Variants in LCAT observed in about 807,000 individuals in gnomAD.
LCAT encodes the protein phosphatidylcholine-sterol acyltransferase.
In LCAT, 15 loss-of-function variants were observed where a neutral mutation model predicts 41.0. The observed-to-expected ratio is 0.37, with a 90% confidence interval of 0.24 to 0.56. The LOEUF (loss-of-function observed/expected upper bound fraction) is 0.56, where lower values mean the gene tolerates loss of function less well. Ranked by LOEUF, LCAT falls within the 20% of genes least tolerant of loss-of-function variation. The pLI, the probability that LCAT is intolerant of heterozygous loss-of-function variation, is 0.81. For missense variants in LCAT, 449 were observed against 595.1 expected (o/e 0.75, Z 2.55); for synonymous variants, 248 against 245.4 (o/e 1.01, Z -0.10).
In LCAT at chr16:67,942,394, G is replaced by A. The variant is rs779223831; in HGVS notation, c.717C>T (p.Gly239=). Residue 239 remains glycine (G), a synonymous_variant, in exon 5 of 6, where the codon GGC becomes GGT. Transcript: ENST00000264005. This position sits in a 1 kb window ranked among gnomAD's most constrained non-coding sequence, Gnocchi z 6.6. ...GFISLGAPWG[G]SIKPMLVLAS... is the part of the protein sequence containing the mutation. ...CCAAGACCAGCATGGGCTTGATGGAGCCACCCCAGGGAGCCCCAAGAGAGA... is the reference window on the plus strand; with the variant it reads ...CCAAGACCAGCATGGGCTTGATGGAACCACCCCAGGGAGCCCCAAGAGAGA... The A allele has an allele frequency of 4.3e-6, 7 of 1,613,924 alleles. No homozygotes were observed. The Admixed American group carries it at 8.3e-5, about 19-fold the overall frequency.
rs774574304 is a variant in LCAT at position 67,940,359 on chromosome 16, T to C, written c.868A>G (p.Ile290Val). ...GTGTAGTTGAAGCTGGGTGTGGAAA[T>C]GAACACGTGGTCCTCAGGCCACGCC... ...RMAWPEDHVF[I>V]STPSFNYTGR... is the part of the protein sequence containing the mutation. Residue 290 changes from isoleucine to valine, a missense_variant, in exon 6 of 6, where the codon ATT (isoleucine) becomes GTT (valine). Transcript: ENST00000264005. The C allele has an allele frequency of 4.3e-6, 7 of 1,614,072 alleles. No individual in the cohort carries two copies. The South Asian group carries it at 6.6e-5, about 15-fold the overall frequency.
rs375862950 is a variant in LCAT, at chr16:67,940,174, G to A, written c.1053C>T (p.Tyr351=). The A allele has an allele frequency of 7.2e-5, 116 of 1,613,214 alleles. No homozygotes were observed. Among genetic ancestry groups the A allele is most frequent in the East Asian group, 4.7e-4 (21 of 44,828 alleles). ...GGTCCGTGTAGGGGAAGCCGTGGTC[G>A]TAGATGTAGGTGCGGGGCGTGGGCA... ...VGLPTPRTYI[Y]DHGFPYTDPV... Residue 351 remains tyrosine (Y), a synonymous_variant, in exon 6 of 6, where the codon TAC becomes TAT. Transcript: ENST00000264005.
At position 67,939,789 on chromosome 16, in the gene LCAT, C is replaced by T; in HGVS notation, c.*115G>A. On this transcript the variant is annotated 3_prime_UTR_variant, in exon 6 of 6. Coordinates refer to ENST00000264005, the MANE Select transcript of LCAT (RefSeq NM_000229.2). ...CCTCAGCAGAGCCCATCTTGCCTCA[C>T]TGCACACAGCACTGAGCCTGTGGCT... 6.6e-7 allele frequency: 1 copy of T among 1,520,100 alleles called. No individual in the cohort carries two copies. The highest frequency in any genetic ancestry group is 8.9e-7 in the Non-Finnish European group (1 of 1,127,646). 94.2% of individuals were successfully genotyped at this position (1,520,100 alleles called of 1,614,324 possible).
At position 67,943,586 on chromosome 16, in the gene LCAT, G is replaced by C. The variant is rs2058307011; in HGVS notation, c.154+362C>G. ...CATGGATGGGCCTCTCCTGCTCACC[G>C]ATCCTGGGCTGGGCATCTTGTCCTT... On this transcript the variant is annotated intron_variant, in intron 1 of 5. Coordinates refer to ENST00000264005, the MANE Select transcript of LCAT (RefSeq NM_000229.2). This position sits in a 1 kb window ranked among gnomAD's most constrained non-coding sequence, Gnocchi z 4.6. 6.0e-6 allele frequency: 3 copies of C among 504,172 alleles called. No homozygotes were observed. In the East Asian group the frequency reaches 1.1e-4, roughly 18 times the overall value. 31.2% of individuals were successfully genotyped at this position (504,172 alleles called of 1,614,324 possible).
At position 67,942,264 on chromosome 16, in the gene LCAT, C is replaced by A; in HGVS notation, c.748+99G>T. 7.3e-7 allele frequency: 1 copy of A among 1,370,630 alleles called. No homozygotes were observed. Among genetic ancestry groups the A allele is most frequent in the Non-Finnish European group, 1.0e-6 (1 of 979,158 alleles). 84.9% of individuals were successfully genotyped at this position (1,370,630 alleles called of 1,614,324 possible). On this transcript the variant is annotated intron_variant, in intron 5 of 5. Coordinates refer to ENST00000264005, the MANE Select transcript of LCAT (RefSeq NM_000229.2). This position sits in a 1 kb window ranked among gnomAD's most constrained non-coding sequence, Gnocchi z 6.6. ...GCCAGCCCAGGAGTGGTAGATAGCA[C>A]CCCTAGAGGCCACTGTGAGCAGGAG...
In LCAT at chr16:67,939,899, G is replaced by T; in HGVS notation, c.*5C>A. Reference sequence around the variant, plus strand: ...ATCAGGGCTTACGGTAGCAAAGGAAGGTCTTTATTCAGGAGGCGGGGGCTC... The same window carrying T: ...ATCAGGGCTTACGGTAGCAAAGGAATGTCTTTATTCAGGAGGCGGGGGCTC... On this transcript the variant is annotated 3_prime_UTR_variant, in exon 6 of 6. Coordinates refer to ENST00000264005, the MANE Select transcript of LCAT (RefSeq NM_000229.2). 1 of 1,610,406 alleles carries T rather than the reference G, an allele frequency of 6.2e-7. No homozygotes were observed. The highest frequency in any genetic ancestry group is 8.5e-7 in the Non-Finnish European group (1 of 1,177,702).
At position 67,943,465 on chromosome 16, in the gene LCAT, G is replaced by A. The variant is rs1404834424; in HGVS notation, c.155-253C>T. On this transcript the variant is annotated intron_variant, in intron 1 of 5. Transcript: ENST00000264005. The surrounding 1 kb of genome is among the most constrained non-coding windows in gnomAD (Gnocchi z 4.6). ...AAGGCCGCTGACCCCTGCCTCTGCAGAGCAAACACCCAGTCTGGCGCTCCT... is the reference window on the plus strand; with the variant it reads ...AAGGCCGCTGACCCCTGCCTCTGCAAAGCAAACACCCAGTCTGGCGCTCCT... 3.6e-5 allele frequency: 20 copies of A among 562,528 alleles called. No individual in the cohort carries two copies. The South Asian group carries it at 3.7e-4, about 11-fold the overall frequency. 34.8% of individuals were successfully genotyped at this position (562,528 alleles called of 1,614,324 possible).
At position 67,943,740 on chromosome 16, in the gene LCAT, G is replaced by A; in HGVS notation, c.154+208C>T. Reference sequence around the variant, plus strand: ...CCCGTCCCCCACTCCGCCCCCCCTGGGTTAGACAACTGAGAGTCACAGTGT... The same window carrying A: ...CCCGTCCCCCACTCCGCCCCCCCTGAGTTAGACAACTGAGAGTCACAGTGT... On this transcript the variant is annotated intron_variant, in intron 1 of 5. Transcript: ENST00000264005. This position sits in a 1 kb window ranked among gnomAD's most constrained non-coding sequence, Gnocchi z 4.6. The A allele has an allele frequency of 1.7e-6, 1 of 590,032 alleles. No individual in the cohort carries two copies. The highest frequency in any genetic ancestry group is 2.3e-5 in the South Asian group (1 of 42,738). The allele number at this position is 590,032 out of a possible 1,614,324, so 36.5% of individuals were successfully genotyped here.
rs1197701206 is a variant in LCAT at position 67,942,203 on chromosome 16, A to G, written c.748+160T>C. The G allele has an allele frequency of 7.7e-7, 1 of 1,293,360 alleles. No individual in the cohort carries two copies. The highest frequency in any genetic ancestry group is 1.5e-5 in the African/African-American group (1 of 68,114). 80.1% of individuals were successfully genotyped at this position (1,293,360 alleles called of 1,614,324 possible). On this transcript the variant is annotated intron_variant, in intron 5 of 5. Transcript: ENST00000264005. The surrounding 1 kb of genome is among the most constrained non-coding windows in gnomAD (Gnocchi z 6.6). ...AGGAGCCACCCTAATTGCTCAGGCC[A>G]GGGTCACTGCTCTGGGGGCCAGTGA...
chr16:67,940,747 C>A, intron 5 of LCAT: 1 of 503,744 alleles, frequency 2.0e-6, no homozygotes. Context: ...CCCTGTAATC[C>A]CAACACTTTG....
In LCAT at chr16:67,943,935, G is replaced by C. The variant is rs747027216; in HGVS notation, c.154+13C>G. The C allele has an allele frequency of 4.5e-6, 7 of 1,542,738 alleles. No individual in the cohort carries two copies. In the South Asian group the frequency reaches 7.2e-5, roughly 16 times the overall value. On this transcript the variant is annotated intron_variant, in intron 1 of 5. Coordinates refer to ENST00000264005, the MANE Select transcript of LCAT (RefSeq NM_000229.2). The surrounding 1 kb of genome is among the most constrained non-coding windows in gnomAD (Gnocchi z 4.6). ...GTCTGGCGTGGTGCATCAGGGGCCT[G>C]GTGGGGGCTTACCGAGGATGACGGG...
rs1369237314 is a variant in LCAT at position 67,942,687 on chromosome 16, G to A, written c.507C>T (p.Asp169=). The A allele has an allele frequency of 6.2e-7, 1 of 1,612,912 alleles. No homozygotes were observed. Among genetic ancestry groups the A allele is most frequent in the Non-Finnish European group, 8.5e-7 (1 of 1,179,936 alleles). ...GACACTCACCGGGCTCCAGCCGCCA[G>A]TCATAGGGGGCGGCGCGCACAGTCT... ...RDETVRAAPY[D]WRLEPGQQEE... Residue 169 remains aspartate, a synonymous_variant, in exon 4 of 6, where the codon GAC becomes GAT. Transcript: ENST00000264005. This position sits in a 1 kb window ranked among gnomAD's most constrained non-coding sequence, Gnocchi z 6.6.
chr16:67,942,802 A>G lies in LCAT; in HGVS notation c.428-36T>C. The G allele has an allele frequency of 6.2e-7, 1 of 1,612,568 alleles. No individual in the cohort carries two copies. Among genetic ancestry groups the G allele is most frequent in the Non-Finnish European group, 8.5e-7 (1 of 1,179,532 alleles). ...ACCAGCAGCACCGGGGGCTTGGGCC[A>G]TGCCTGCTGTGGGCCAGCACCCAGG... is the stretch of plus-strand genomic sequence containing the variant. On this transcript the variant is annotated intron_variant, in intron 3 of 5. Coordinates refer to ENST00000264005, the MANE Select transcript of LCAT (RefSeq NM_000229.2). The surrounding 1 kb of genome is among the most constrained non-coding windows in gnomAD (Gnocchi z 6.6).
At position 67,942,558 on chromosome 16, in the gene LCAT, C is replaced by G; in HGVS notation, c.553G>C (p.Ala185Pro). The G allele has an allele frequency of 6.2e-7, 1 of 1,613,514 alleles. No individual in the cohort carries two copies. Among genetic ancestry groups the G allele is most frequent in the Non-Finnish European group, 8.5e-7 (1 of 1,180,002 alleles). Residue 185 changes from alanine (A) to proline (P), a missense_variant, in exon 5 of 6, where the codon GCA becomes CCA. Ala to Pro is a conservative substitution (Grantham distance 27). Coordinates refer to ENST00000264005, the MANE Select transcript of LCAT (RefSeq NM_000229.2). This position sits in a 1 kb window ranked among gnomAD's most constrained non-coding sequence, Gnocchi z 6.6. ...GQQEEYYRKL[A>P]GLVEEMHAAY... ...GCGTGCATCTCCTCCACCAGCCCTG[C>G]GAGCTTGCGGTAGTACTCCTCCTGC... is the stretch of plus-strand genomic sequence containing the variant.
rs2058300556 is a variant in LCAT at position 67,942,957 on chromosome 16, A to G, written c.331T>C (p.Ser111Pro). The change falls in exon 3 of 6, where the codon TCT (serine) becomes CCT (proline). Residue 111 changes from serine (S) to proline (P), a missense_variant. Coordinates refer to ENST00000264005, the MANE Select transcript of LCAT (RefSeq NM_000229.2). The surrounding 1 kb of genome is among the most constrained non-coding windows in gnomAD (Gnocchi z 6.6). The stretch of plus-strand genomic sequence containing the variant: ...CCAGGGGCGTTGGACACGAGCCCAG[A>G]GCTCCGGTTGTAGACAACCCTGCGG... Reference protein sequence around the residue: ...DNTRVVYNRSSGLVSNAPGVQ... With the variant: ...DNTRVVYNRSPGLVSNAPGVQ... The G allele has an allele frequency of 1.2e-6, 2 of 1,613,878 alleles. No homozygotes were observed.
Position 67,939,861 on chromosome 16 carries a change from C to G in LCAT, c.*43G>C. 2 of 1,591,134 alleles carry G rather than the reference C, an allele frequency of 1.3e-6. No homozygotes were observed. The highest frequency in any genetic ancestry group is 4.5e-5 in the East Asian group (2 of 44,596). On this transcript the variant is annotated 3_prime_UTR_variant, in exon 6 of 6. Coordinates refer to ENST00000264005, the MANE Select transcript of LCAT (RefSeq NM_000229.2). ...TGGGACTCTAGTGCCTCCCTTCAAC[C>G]TGAAACATAGCCATCAGGGCTTACG...
chr16:67,940,643 T>G, intron 5 of LCAT, 165 bp from the exon 6 acceptor site: 1 of 1,206,920 alleles, frequency 8.3e-7, no homozygotes, highest in Non-Finnish European at 1.1e-6. Context: ...TGATGCTCAG[T>G]GTCAGCTTAC....
chr16:67,939,887 G>A lies in LCAT; in HGVS notation c.*17C>T. ...TGAAACATAGCCATCAGGGCTTACG[G>A]TAGCAAAGGAAGGTCTTTATTCAGG... On this transcript the variant is annotated 3_prime_UTR_variant, in exon 6 of 6. Transcript: ENST00000264005. 6.2e-7 allele frequency: 1 copy of A among 1,608,688 alleles called. No homozygotes were observed. The highest frequency in any genetic ancestry group is 1.1e-5 in the South Asian group (1 of 90,832).
At position 67,939,960 on chromosome 16, in the gene LCAT, G is replaced by T. The variant is rs370803551; in HGVS notation, c.1267C>A (p.Arg423Ser). ...GTCGGGGATGCAGGGGGACCCTGGC[G>T]GTAGGCACCCAGCAGGATGGCATTG... Reference protein sequence around the residue: ...HINAILLGAYRQGPPASPTAS... With the variant: ...HINAILLGAYSQGPPASPTAS... The change falls in exon 6 of 6, where the codon CGC becomes AGC. Residue 423 changes from arginine to serine, a missense_variant. Coordinates refer to ENST00000264005, the MANE Select transcript of LCAT (RefSeq NM_000229.2). The T allele has an allele frequency of 1.9e-6, 3 of 1,613,600 alleles. No homozygotes were observed. In the South Asian group the frequency reaches 3.3e-5, roughly 18 times the overall value.
Sources: gnomAD v4.1 joint callset for allele counts on GRCh38, gnomAD v4.1.1 for gene constraint, Gnocchi (gnomAD v3.1) non-coding constraint, MANE v1.5 for transcripts, NCBI Gene and HGNC (gene_info 2026-07-23, HGNC 2026-07-21) for gene names.